The following AK5 variants were observed in gnomAD, a reference collection of about 807,000 sequenced individuals.
The protein encoded by AK5 is adenylate kinase 5.
A neutral mutation model predicts 69.5 loss-of-function variants in AK5; 27 were observed. The observed-to-expected ratio is 0.39, with a 90% CI of 0.29 to 0.54. The LOEUF is 0.54. Ranked by LOEUF, AK5 falls within the 20% of genes least tolerant of loss-of-function variation. The pLI is 0.71. For synonymous variants in AK5, 260 were observed against 244.4 expected (o/e 1.06, Z -0.60); for missense variants, 531 against 700.4 (o/e 0.76, Z 2.73).
intron 6 of AK5, among the ~76,000 whole-genome samples, chr1:77,405,283 TCAGA>T (rs1465823473): frequency 3.7e-4 from 57 of 152,224 alleles, no homozygotes; most frequent in Admixed American, 3.7e-3. Context: ...TTGCTCAAAG[TCAGA>T]CAGCTGCTAC....
intron 5 of AK5, among the ~76,000 whole-genome samples, chr1:77,305,224 A>G (rs935876054): frequency 6.6e-6 from 1 of 152,064 alleles, no homozygotes; most frequent in Non-Finnish European, 1.5e-5. Flanking sequence ...TATTCTGGTT[A>G]TTAATCCATT....
intron 5 of AK5, among the ~76,000 whole-genome samples, chr1:77,319,492 T>A (rs1450821799): frequency 6.6e-6 from 1 of 152,228 alleles, no homozygotes; most frequent in African/African-American, 2.4e-5. Context: ...AGTTGTTCAA[T>A]GACTGTGTCT....
At chr1:77,315,332 C>A (rs1186193018) in intron 5 of AK5, among the ~76,000 whole-genome samples, 2 of 151,724 alleles carry the variant, frequency 1.3e-5, no homozygotes, top group Non-Finnish European at 2.9e-5. Flanking sequence ...ATGCATACTA[C>A]CAGTAAGTTA....
At position 77,374,656 on chromosome 1, in the gene AK5, C is replaced by A. The variant is rs895051553; in HGVS notation, c.891+34088C>A. ...GAAGCACAATGAGACCCTATCTCTA[C>A]ACAAAATGTAAAAATTTAGCCAGAT... On this transcript the variant is annotated intron_variant, in intron 6 of 13. Coordinates refer to ENST00000354567, the MANE Select transcript of AK5 (RefSeq NM_174858.3). Among the ~76,000 whole-genome samples the A allele has an allele frequency of 3.9e-5, 6 of 152,044 alleles. No homozygotes were observed. In the East Asian group the frequency reaches 9.7e-4, roughly 25 times the overall value.
chr1:77,558,037 T>TAAG (rs1036556847), intron 13 of AK5, among the ~76,000 whole-genome samples: 2 of 152,148 alleles, frequency 1.3e-5, no homozygotes, highest in African/African-American at 4.8e-5. Flanking sequence ...AATATATATT[T>TAAG]AAGTTTAGTG....
At chr1:77,538,359 AC>A (rs940716906) in intron 13 of AK5, among the ~76,000 whole-genome samples, 13 of 149,444 alleles carry the variant, frequency 8.7e-5, no homozygotes, top group African/African-American at 2.5e-4. Context: ...AACAACAACA[AC>A]AAAAAAAAAA....
At chr1:77,471,855 G>A (rs1223496249) in intron 8 of AK5, among the ~76,000 whole-genome samples, 1 of 152,208 alleles carries the variant, frequency 6.6e-6, no homozygotes, top group Admixed American at 6.5e-5. Flanking sequence ...ACATTCTGTA[G>A]GAGCATTGAA....
chr1:77,502,405 ACCAGTT>A (rs1656768457), intron 10 of AK5, among the ~76,000 whole-genome samples: 1 of 152,156 alleles, frequency 6.6e-6, no homozygotes, highest in Non-Finnish European at 1.5e-5. Flanking sequence ...AGTTGCATTC[ACCAGTT>A]CCACTAACAT....
At chr1:77,450,177 A>G (rs1034156938) in intron 8 of AK5, among the ~76,000 whole-genome samples, 10 of 152,268 alleles carry the variant, frequency 6.6e-5, no homozygotes, top group Admixed American at 2.0e-4. Flanking sequence ...TGTTGTTCGT[A>G]TCACTATCAG....
chr1:77,435,064 A>G (rs1651874788), intron 8 of AK5, among the ~76,000 whole-genome samples: 1 of 152,200 alleles, frequency 6.6e-6, no homozygotes, highest in Admixed American at 6.5e-5. Context: ...ATCAGGTCAT[A>G]ACAGCAGAGC....
chr1:77,418,622 C>A (rs1650586157), intron 8 of AK5, among the ~76,000 whole-genome samples: 1 of 152,148 alleles, frequency 6.6e-6, no homozygotes, highest in Non-Finnish European at 1.5e-5. Flanking sequence ...ATGAGCCAAC[C>A]CCCTAATTAG....
At chr1:77,343,451 G>A (rs12404374) in intron 6 of AK5, among the ~76,000 whole-genome samples, 20,585 of 152,090 alleles carry the variant, frequency 0.14, 1,624 homozygotes, top group East Asian at 0.37. Context: ...TCTCTAAATT[G>A]GAGACAGTGT....
chr1:77,438,376 T>A (rs1652103508), intron 8 of AK5, among the ~76,000 whole-genome samples: 1 of 145,516 alleles, frequency 6.9e-6, no homozygotes, highest in Admixed American at 7.0e-5. Context: ...TTTAAAAACA[T>A]GCATGAGGAA....
chr1:77,374,999 T>C (rs185116893), intron 6 of AK5, among the ~76,000 whole-genome samples: 3 of 152,310 alleles, frequency 2.0e-5, no homozygotes, highest in Non-Finnish European at 4.4e-5. Flanking sequence ...TCACCATTTA[T>C]TCTGTGCTTA....
intron 13 of AK5, among the ~76,000 whole-genome samples, chr1:77,538,711 G>A (rs1348200659): frequency 1.3e-5 from 2 of 151,990 alleles, no homozygotes; most frequent in African/African-American, 4.8e-5. Flanking sequence ...ATTTGTAAAG[G>A]TGGGAAAATT....
intron 9 of AK5, among the ~76,000 whole-genome samples, chr1:77,485,928 C>A (rs780885362): frequency 3.3e-5 from 5 of 152,062 alleles, no homozygotes; most frequent in Non-Finnish European, 7.4e-5. Context: ...ACCAGCCTGG[C>A]CAACATGGTG....
At chr1:77,414,200 C>G (rs1570529333) in intron 7 of AK5, among the ~76,000 whole-genome samples, 1 of 152,282 alleles carries the variant, frequency 6.6e-6, no homozygotes, top group South Asian at 2.1e-4. Flanking sequence ...AAATGAAACA[C>G]AACCCTTACA....
chr1:77,336,094 T>C (rs1226013153), intron 5 of AK5, among the ~76,000 whole-genome samples: 2 of 151,226 alleles, frequency 1.3e-5, no homozygotes, highest in African/African-American at 4.9e-5. Flanking sequence ...CCTTTTTTTT[T>C]TTTTTTGAGA....
At chr1:77,323,818 GAGAA>G in intron 5 of AK5, among the ~76,000 whole-genome samples, 1 of 152,156 alleles carries the variant, frequency 6.6e-6, no homozygotes, top group South Asian at 2.1e-4. Flanking sequence ...CACACACACA[GAGAA>G]AGAAATAGAG....
Sources: gnomAD v4.1 joint callset for allele counts (sites outside exome capture counted in the v4.1 genomes callset) on GRCh38, gnomAD v4.1.1 for gene constraint, MANE v1.5 for transcripts, NCBI Gene and HGNC (gene_info 2026-07-23, HGNC 2026-07-21) for gene names.